USP46: variants seen among roughly 807,000 people sequenced by gnomAD.
The protein encoded by USP46 is ubiquitin specific peptidase 46, also known as ubiquitin carboxyl-terminal hydrolase 46.
USP46 carries 12 observed loss-of-function variants against 44.4 expected under a neutral mutation model. The observed-to-expected ratio is 0.27, with a 90% CI of 0.17 to 0.44. The LOEUF (loss-of-function observed/expected upper bound fraction) is 0.44. Among genes scored for constraint, USP46 ranks in the 20% least tolerant of loss-of-function variants. The probability of loss-of-function intolerance (pLI) is 1.00; values close to 1 mark genes in which losing one functional copy is unlikely to be tolerated. For synonymous variants in USP46, 155 were observed against 161.5 expected, an observed-to-expected ratio of 0.96 and a Z score of 0.31; for missense variants, 248 against 444.8, an observed-to-expected ratio of 0.56 and a Z score of 3.98.
intron 5 of USP46, among the ~76,000 whole-genome samples, chr4:52,605,538 T>C (rs1716654746): frequency 6.6e-6 from 1 of 152,202 alleles, no homozygotes; most frequent in African/African-American, 2.4e-5. Context: ...TGTTAAATGA[T>C]TCTACCACTT....
rs181116769 is a variant in USP46, at chr4:52,620,474, C to A, written c.561+5544G>T. Among the ~76,000 whole-genome samples the A allele has an allele frequency of 2.6e-3, 396 of 152,304 alleles. 4 individuals carry two copies. The highest frequency in any genetic ancestry group is 9.2e-3 in the African/African-American group (383 of 41,558). Reference sequence around the variant, plus strand: ...TTCATTTTGTCATTAAAGTCTGTCTCCATGCTGGAAGTTCTAGAAAGGCAG... The same window carrying A: ...TTCATTTTGTCATTAAAGTCTGTCTACATGCTGGAAGTTCTAGAAAGGCAG... On this transcript the variant is annotated intron_variant, in intron 4 of 8. Transcript: ENST00000441222.
chr4:52,633,637 T>C (rs1560406688), intron 1 of USP46, among the ~76,000 whole-genome samples: 2 of 152,210 alleles, frequency 1.3e-5, no homozygotes, highest in Non-Finnish European at 2.9e-5. Flanking sequence ...TATAAAAGTA[T>C]AGCACATGGA....
chr4:52,653,956 T>C (rs901054225), intron 1 of USP46, among the ~76,000 whole-genome samples: 3 of 152,176 alleles, frequency 2.0e-5, no homozygotes, highest in African/African-American at 7.2e-5. Flanking sequence ...GAAGAATAAA[T>C]AAACAGATTT....
chr4:52,608,378 T>C (rs1716783026), intron 5 of USP46, among the ~76,000 whole-genome samples: 1 of 152,192 alleles, frequency 6.6e-6, no homozygotes, highest in Admixed American at 6.5e-5. Context: ...AATTTCCATG[T>C]CATGATCCAC....
intron 1 of USP46, among the ~76,000 whole-genome samples, chr4:52,642,581 T>C (rs1213955802): frequency 6.6e-6 from 1 of 152,222 alleles, no homozygotes; most frequent in Non-Finnish European, 1.5e-5. Flanking sequence ...CCTTGAAATT[T>C]TCTAGAATGA....
chr4:52,638,627 AAT>A (rs1319455784), intron 1 of USP46, among the ~76,000 whole-genome samples: 3 of 147,854 alleles, frequency 2.0e-5, no homozygotes, highest in African/African-American at 4.9e-5. Context: ...TTATATATAT[AAT>A]ATATATAATT....
chr4:52,634,696 A>T (rs1304244703), intron 1 of USP46, among the ~76,000 whole-genome samples: 2 of 151,976 alleles, frequency 1.3e-5, no homozygotes, highest in African/African-American at 4.8e-5. Context: ...AAGTGCTGGG[A>T]TTACAGGCAT....
Position 52,592,821 on chromosome 4 carries a change from A to G in USP46, c.*4819T>C. ...ATCACTGCACTCCAGCCTGGGTGAC[A>G]GTGAGACTCCATCTTAAAAAAAAAA... On this transcript the variant is annotated 3_prime_UTR_variant, in exon 9 of 9. Coordinates refer to ENST00000441222, the MANE Select transcript of USP46 (RefSeq NM_022832.4). 2 of 398,264 alleles carry G rather than the reference A, an allele frequency of 5.0e-6. No individual in the cohort carries two copies. The highest frequency in any genetic ancestry group is 8.8e-6 in the Non-Finnish European group (2 of 226,028). 24.7% of individuals were successfully genotyped at this position (398,264 alleles called of 1,614,324 possible).
In USP46 at chr4:52,645,589, C is replaced by T. The variant is rs1027243093; in HGVS notation, c.36+13526G>A. The stretch of plus-strand genomic sequence containing the variant: ...GCAAGAACCTCATTTCCAATTCAAT[C>T]CTTCTACAAAGCCACCAAGATGCTG... On this transcript the variant is annotated intron_variant, in intron 1 of 8. Transcript: ENST00000441222. 3.9e-5 allele frequency among the ~76,000 whole-genome samples: 6 copies of T among 152,284 alleles called. No homozygotes were observed. In the South Asian group the frequency reaches 6.2e-4, roughly 16 times the overall value.
At chr4:52,597,772 T>C (rs773872949) in intron 8 of USP46, 31 bp from the exon 9 acceptor site, 1 of 1,431,640 alleles carries the variant, frequency 7.0e-7, no homozygotes, top group South Asian at 1.3e-5. Context: ...AACAACACAA[T>C]TACTTAACAT....
chr4:52,602,644 T>C (rs1382144228), intron 6 of USP46, among the ~76,000 whole-genome samples: 2 of 152,174 alleles, frequency 1.3e-5, no homozygotes, highest in African/African-American at 4.8e-5. Flanking sequence ...AGGGGTTGGC[T>C]TAGGGCTACA....
chr4:52,627,942 C>T lies in USP46; in HGVS notation c.331+8G>A, dbSNP rs1183387666. The T allele has an allele frequency of 3.1e-6, 5 of 1,609,842 alleles. No individual in the cohort carries two copies. In the African/African-American group the frequency reaches 5.3e-5, roughly 17 times the overall value. ...AGGCTTAAATACATTATACTGCATA[C>T]TACTCACCATTCTCTTTTCTCAGCC... is the stretch of plus-strand genomic sequence containing the variant. On this transcript the variant is annotated splice_region_variant and intron_variant, in intron 3 of 8. Coordinates refer to ENST00000441222, the MANE Select transcript of USP46 (RefSeq NM_022832.4).
chr4:52,625,367 CCA>C (rs1560401642), intron 4 of USP46, among the ~76,000 whole-genome samples: 2 of 152,094 alleles, frequency 1.3e-5, no homozygotes, highest in African/African-American at 4.8e-5. Flanking sequence ...CAGCCTGGCT[CCA>C]GAGCTCAGCT....
chr4:52,628,136 C>G lies in USP46; in HGVS notation c.145G>C (p.Val49Leu). 6.2e-7 allele frequency: 1 copy of G among 1,613,892 alleles called. No homozygotes were observed. The highest frequency in any genetic ancestry group is 8.5e-7 in the Non-Finnish European group (1 of 1,179,848). The change falls in exon 3 of 9, where the codon GTG becomes CTG. Residue 49 changes from valine (V) to leucine (L), a missense_variant. Physicochemically the swap from Val to Leu is conservative, Grantham distance 32. Transcript: ENST00000441222. ...NFGNTCYCNS[V>L]LQALYFCRPF... is the part of the protein sequence containing the mutation. ...CGGCAGAAGTACAATGCCTGAAGCA[C>G]GGAGTTACAGTAGCATGTGTTTCCA...
chr4:52,624,090 A>G lies in USP46; in HGVS notation c.561+1928T>C, dbSNP rs528360426. ...TTAAAAAATAAATTGCAAGGTAAAA[A>G]GGGTGTGTTGGGGTTGGGGGGTTGG... On this transcript the variant is annotated intron_variant, in intron 4 of 8. Coordinates refer to ENST00000441222, the MANE Select transcript of USP46 (RefSeq NM_022832.4). 2.6e-5 allele frequency among the ~76,000 whole-genome samples: 4 copies of G among 151,906 alleles called. No homozygotes were observed. The East Asian group carries it at 7.8e-4, about 30-fold the overall frequency.
intron 1 of USP46, chr4:52,650,823 G>T (rs1202937518): frequency 6.6e-6 from 1 of 152,154 alleles, no homozygotes; most frequent in Non-Finnish European, 1.5e-5. Context: ...AGTTGGCCGG[G>T]TGCAGTGGCT....
In USP46 at chr4:52,609,898, C is replaced by CTTTTTTTTTTTTTTTTTTTTT. The variant is rs66817554; in HGVS notation, c.638+622_638+642dup. Among the ~76,000 whole-genome samples, 4 of 24,588 alleles carry CTTTTTTTTTTTTTTTTTTTTT rather than the reference C, an allele frequency of 1.6e-4. 1 individual carries two copies. Among genetic ancestry groups the CTTTTTTTTTTTTTTTTTTTTT allele is most frequent in the African/African-American group, 4.0e-4 (3 of 7,554 alleles). The allele number at this position is 24,588 out of a possible 152,430, so 16.1% of individuals were successfully genotyped here. On this transcript the variant is annotated intron_variant, in intron 5 of 8. Transcript: ENST00000441222. ...GGAAACCTAAACCTCAATTCTATTT[C>CTTTTTTTTTTTTTTTTTTTTT]TTTTTTTTTTTTTTTTTTTTTTTTT...
rs777570939 is a variant in USP46 at position 52,627,996 on chromosome 4, G to A, written c.285C>T (p.Gly95=). ...HSIATQKKKV[G]VIPPKKFISR... is the part of the protein sequence containing the mutation. The stretch of plus-strand genomic sequence containing the variant: ...AAATGAACTTCTTTGGTGGGATGAC[G>A]CCAACCTTCTTCTTCTGTGTGGCAA... Residue 95 remains glycine (G), a synonymous_variant, in exon 3 of 9, where the codon GGC becomes GGT. Coordinates refer to ENST00000441222, the MANE Select transcript of USP46 (RefSeq NM_022832.4). 7 of 1,613,662 alleles carry A rather than the reference G, an allele frequency of 4.3e-6. No homozygotes were observed. Among genetic ancestry groups the A allele is most frequent in the African/African-American group, 2.7e-5 (2 of 74,902 alleles).
intron 2 of USP46, among the ~76,000 whole-genome samples, chr4:52,628,858 T>G (rs1262561081): frequency 6.6e-6 from 1 of 152,200 alleles, no homozygotes; most frequent in Non-Finnish European, 1.5e-5. Context: ...ACTACCCAAG[T>G]TCCTAGCCTG....
Sources: allele counts gnomAD v4.1 joint callset (sites outside exome capture counted in the v4.1 genomes callset), GRCh38; gene constraint gnomAD v4.1.1; transcripts MANE v1.5; gene names NCBI Gene and HGNC (gene_info 2026-07-23, HGNC 2026-07-21).